Variants in MIB1 observed in about 807,000 individuals in gnomAD.
MIB1 encodes the protein MIB E3 ubiquitin protein ligase 1.
In MIB1, 278 loss-of-function variants were observed where a neutral mutation model predicts 124.5. The ratio of observed to expected loss-of-function variants is 2.23; its 90% CI spans 2.02 to 2.47. The LOEUF is 2.47. MIB1 is among the 30% of genes most tolerant of loss of function. The probability of loss-of-function intolerance (pLI) is 0.00; values close to 1 mark genes in which losing one functional copy is unlikely to be tolerated. For missense variants in MIB1, 957 were observed against 1,254.4 expected, an observed-to-expected ratio of 0.76 and a Z score of 3.58; for synonymous variants, 446 against 429.4, an observed-to-expected ratio of 1.04 and a Z score of -0.48.
At chr18:21,849,610 ATTGT>A (rs2042165168) in intron 17 of MIB1, among the ~76,000 whole-genome samples, 1 of 152,026 alleles carries the variant, frequency 6.6e-6, no homozygotes, top group South Asian at 2.1e-4. Flanking sequence ...TAAGTTAATT[ATTGT>A]TTGAGTTTAT....
intron 15 of MIB1, 57 bp downstream of exon 15, chr18:21,844,310 C>G: frequency 1.3e-6 from 2 of 1,503,746 alleles, no homozygotes; most frequent in South Asian, 2.4e-5. Flanking sequence ...CATGCAAGAT[C>G]TTATATTTAC....
intron 5 of MIB1, among the ~76,000 whole-genome samples, chr18:21,778,953 G>GA (rs2041325909): frequency 6.6e-6 from 1 of 152,036 alleles, no homozygotes. Flanking sequence ...AGTGTTTCAT[G>GA]ATCATGAATT....
intron 6 of MIB1, among the ~76,000 whole-genome samples, chr18:21,788,671 T>G (rs1436079472): frequency 6.6e-6 from 1 of 152,148 alleles, no homozygotes; most frequent in Non-Finnish European, 1.5e-5. Context: ...AAAGAAGATG[T>G]GAAACTAACT....
At chr18:21,819,722 TGAA>T (rs1373585858) in intron 12 of MIB1, 76 bp downstream of exon 12, 5 of 1,064,518 alleles carry the variant, frequency 4.7e-6, no homozygotes, top group African/African-American at 3.2e-5. Flanking sequence ...CTGATACTGA[TGAA>T]GAAATAATTT....
intron 1 of MIB1, among the ~76,000 whole-genome samples, chr18:21,755,255 T>A (rs1456022102): frequency 6.6e-6 from 1 of 152,194 alleles, no homozygotes; most frequent in Non-Finnish European, 1.5e-5. Flanking sequence ...AACAGGTTCT[T>A]GTGAACTAGT....
At chr18:21,748,730 CTT>C (rs557338460) in intron 1 of MIB1, among the ~76,000 whole-genome samples, 12,346 of 106,738 alleles carry the variant, frequency 0.12, 749 homozygotes, top group African/African-American at 0.2. Context: ...CATGCCCAGC[CTT>C]TTTTTTTTTT....
intron 20 of MIB1, among the ~76,000 whole-genome samples, chr18:21,860,125 TAG>T (rs1233869639): frequency 2.8e-5 from 3 of 107,228 alleles, no homozygotes; most frequent in African/African-American, 6.0e-5. Flanking sequence ...TTTTTTTTTT[TAG>T]AGTCTCACTC....
chr18:21,747,680 T>C (rs1323980047), intron 1 of MIB1, among the ~76,000 whole-genome samples: 1 of 152,220 alleles, frequency 6.6e-6, no homozygotes, highest in Non-Finnish European at 1.5e-5. Context: ...TATGTACTTT[T>C]TGTAAGTGTA....
intron 1 of MIB1, among the ~76,000 whole-genome samples, chr18:21,725,306 G>A (rs896435755): frequency 6.6e-5 from 10 of 152,048 alleles, no homozygotes; most frequent in African/African-American, 2.4e-4. Flanking sequence ...TGTAAAATGT[G>A]GAAGGCAGAA....
chr18:21,787,317 C>G (rs1055635221), intron 6 of MIB1, among the ~76,000 whole-genome samples: 4 of 152,166 alleles, frequency 2.6e-5, no homozygotes, highest in Non-Finnish European at 5.9e-5. Flanking sequence ...GAATGTGTGC[C>G]TCCTGCAGTA....
intron 1 of MIB1, among the ~76,000 whole-genome samples, chr18:21,748,356 C>A (rs1170801729): frequency 3.4e-5 from 4 of 118,452 alleles, no homozygotes; most frequent in Non-Finnish European, 7.1e-5. Flanking sequence ...TTCCTCTCTC[C>A]CTCCCTCCCT....
chr18:21,857,006 T>C (rs1489273221), intron 18 of MIB1, 124 bp from the exon 19 acceptor site: 4 of 669,902 alleles, frequency 6.0e-6, no homozygotes, highest in Middle Eastern at 2.4e-4. Flanking sequence ...TAGAATTGCA[T>C]ATTGCTATAA....
At position 21,838,531 on chromosome 18, in the gene MIB1, A is replaced by T. The variant is rs2042054652; in HGVS notation, c.1962+34A>T. Reference sequence around the variant, plus strand: ...AGAGTTAAATAATTCCCTCTTTTTTATTTTTTTTTAAACAATTTGGGACCA... The same window carrying T: ...AGAGTTAAATAATTCCCTCTTTTTTTTTTTTTTTTAAACAATTTGGGACCA... On this transcript the variant is annotated intron_variant, in intron 13 of 20. Transcript: ENST00000261537. 3.3e-6 allele frequency: 5 copies of T among 1,518,304 alleles called. No homozygotes were observed. In the African/African-American group the frequency reaches 4.2e-5, roughly 13 times the overall value. The allele number at this position is 1,518,304 out of a possible 1,614,324, so 94.1% of individuals were successfully genotyped here.
At chr18:21,778,809 G>A (rs770514746) in intron 5 of MIB1, among the ~76,000 whole-genome samples, 21 of 151,850 alleles carry the variant, frequency 1.4e-4, no homozygotes, top group Non-Finnish European at 2.2e-4. Context: ...TTTTAAAAAA[G>A]GAGAATGCAT....
At chr18:21,710,244 C>T (rs1422886632) in intron 1 of MIB1, among the ~76,000 whole-genome samples, 2 of 151,926 alleles carry the variant, frequency 1.3e-5, no homozygotes, top group African/African-American at 4.8e-5. Flanking sequence ...TACAGGCATG[C>T]ACCATCACGC....
chr18:21,843,287 A>G, intron 14 of MIB1, 70 bp downstream of exon 14: 1 of 1,031,152 alleles, frequency 9.7e-7, no homozygotes, highest in Non-Finnish European at 1.4e-6. Flanking sequence ...ACTTCCTGAA[A>G]ATTGAAATGA....
intron 12 of MIB1, chr18:21,826,423 T>C (rs949398159): frequency 6.6e-6 from 1 of 152,146 alleles, no homozygotes; most frequent in African/African-American, 2.4e-5. Context: ...AGTTTTTCTT[T>C]GTTTTTGCTT....
At chr18:21,810,142 C>A (rs751227079) in intron 10 of MIB1, among the ~76,000 whole-genome samples, 4 of 152,024 alleles carry the variant, frequency 2.6e-5, no homozygotes, top group Non-Finnish European at 2.9e-5. Flanking sequence ...AAAACAACTC[C>A]ATTTACAATA....
At position 21,870,720 on chromosome 18, in the gene MIB1, C is replaced by A. The variant is rs778193794; in HGVS notation, c.*6054C>A. ...AAGTTATTGAGAGGTCATCTAGCTC[C>A]AGTTCAAAAGATTATGTATATCTGA... is the stretch of plus-strand genomic sequence containing the variant. On this transcript the variant is annotated 3_prime_UTR_variant, in exon 21 of 21. Coordinates refer to ENST00000261537, the MANE Select transcript of MIB1 (RefSeq NM_020774.4). 1 of 152,032 alleles carries A rather than the reference C, an allele frequency of 6.6e-6. No homozygotes were observed. The allele number at this position is 152,032 out of a possible 1,614,324, so 9.4% of individuals were successfully genotyped here. A position where few individuals can be genotyped will look rare whatever the true frequency, so the allele number is the denominator to read the frequency against.
Sources: allele counts gnomAD v4.1 joint callset (sites outside exome capture counted in the v4.1 genomes callset), GRCh38; gene constraint gnomAD v4.1.1; transcripts MANE v1.5; gene names NCBI Gene and HGNC (gene_info 2026-07-23, HGNC 2026-07-21).